The following OXR1 variants were observed in gnomAD, a reference collection of about 807,000 sequenced individuals.
The protein encoded by OXR1 is oxidation resistance 1.
In OXR1, 41 loss-of-function variants were observed where a neutral mutation model predicts 104.6. The observed-to-expected ratio is 0.39, with a 90% CI of 0.31 to 0.51. The LOEUF (loss-of-function observed/expected upper bound fraction) is 0.51, where lower values mean the gene tolerates loss of function less well. OXR1 is among the 20% of genes least tolerant of loss of function. OXR1 has a pLI of 0.77. For synonymous variants in OXR1, 348 were observed against 348.4 expected (o/e 1.00, Z 0.01); for missense variants, 955 against 1,031.9 (o/e 0.93, Z 1.02).
chr8:106,593,650 G>A (rs1158119561), intron 3 of OXR1, among the ~76,000 whole-genome samples: 3 of 152,082 alleles, frequency 2.0e-5, no homozygotes, highest in East Asian at 3.9e-4. Flanking sequence ...GGTGGCAGGC[G>A]CCTGTGGTCC....
chr8:106,730,446 C>T (rs1191660027), intron 11 of OXR1, among the ~76,000 whole-genome samples: 1 of 151,724 alleles, frequency 6.6e-6, no homozygotes, highest in East Asian at 1.9e-4. Flanking sequence ...CACTGTTTTG[C>T]GTTTTGCAGA....
chr8:106,456,104 C>T (rs546583361), intron 2 of OXR1, among the ~76,000 whole-genome samples: 29 of 152,160 alleles, frequency 1.9e-4, no homozygotes, highest in East Asian at 1.9e-4. Context: ...TGCTTTCCAG[C>T]GGAAATGATC....
At chr8:106,723,905 T>A (rs1454413382) in intron 11 of OXR1, among the ~76,000 whole-genome samples, 1 of 151,936 alleles carries the variant, frequency 6.6e-6, no homozygotes, top group Non-Finnish European at 1.5e-5. Context: ...TCCTCCTGCC[T>A]CATCCTCCTC....
At chr8:106,546,044 A>G (rs1056941238) in intron 3 of OXR1, among the ~76,000 whole-genome samples, 3 of 151,988 alleles carry the variant, frequency 2.0e-5, no homozygotes, top group Non-Finnish European at 4.4e-5. Context: ...AATCATTTGG[A>G]ATAAAAATGT....
chr8:106,717,547 T>A (rs1280860658), intron 11 of OXR1, among the ~76,000 whole-genome samples: 1 of 152,180 alleles, frequency 6.6e-6, no homozygotes, highest in East Asian at 1.9e-4. Flanking sequence ...TAGCCAGAAA[T>A]GTATACATTG....
At chr8:106,610,509 C>T (rs568753160) in intron 3 of OXR1, among the ~76,000 whole-genome samples, 2 of 152,294 alleles carry the variant, frequency 1.3e-5, no homozygotes, top group East Asian at 3.9e-4. Flanking sequence ...GACACTGGTT[C>T]TTGCTTATTT....
At chr8:106,715,972 CTAGCCATA>C (rs1194297864) in intron 11 of OXR1, among the ~76,000 whole-genome samples, 2 of 152,198 alleles carry the variant, frequency 1.3e-5, no homozygotes, top group East Asian at 3.9e-4. Context: ...TATAGCAGCA[CTAGCCATA>C]TGTGGCTATT....
chr8:106,305,561 T>G (rs767658810), intron 1 of OXR1, among the ~76,000 whole-genome samples: 61 of 152,294 alleles, frequency 4.0e-4, no homozygotes, highest in Non-Finnish European at 7.5e-4. Context: ...AAATAATATT[T>G]AATGATTTAT....
chr8:106,412,427 T>C (rs7017001), intron 2 of OXR1, among the ~76,000 whole-genome samples: 57,406 of 152,044 alleles, frequency 0.38, 12,181 homozygotes, highest in East Asian at 0.7. Flanking sequence ...AAACAATTTC[T>C]GGACTTCTTT....
chr8:106,513,461 G>T (rs913371074), intron 2 of OXR1, among the ~76,000 whole-genome samples: 1 of 151,986 alleles, frequency 6.6e-6, no homozygotes, highest in African/African-American at 2.4e-5. Flanking sequence ...GGGTTTAGTT[G>T]TTTTCTGAAA....
chr8:106,670,322 G>A (rs1487500468), intron 3 of OXR1, among the ~76,000 whole-genome samples: 1 of 152,108 alleles, frequency 6.6e-6, no homozygotes, highest in Non-Finnish European at 1.5e-5. Flanking sequence ...GTGTCCTCAG[G>A]CACTTGACAG....
intron 3 of OXR1, among the ~76,000 whole-genome samples, chr8:106,555,800 C>T (rs570359478): frequency 1.2e-4 from 18 of 151,052 alleles, no homozygotes; most frequent in East Asian, 7.7e-4. Context: ...AATTTTAAAA[C>T]GGCCCAAATA....
At chr8:106,314,727 C>G (rs1440491765) in intron 1 of OXR1, among the ~76,000 whole-genome samples, 2 of 152,176 alleles carry the variant, frequency 1.3e-5, no homozygotes, top group Non-Finnish European at 2.9e-5. Flanking sequence ...TGACTTCACA[C>G]AGCTCCTAAC....
intron 1 of OXR1, among the ~76,000 whole-genome samples, chr8:106,286,007 G>A (rs1398277113): frequency 6.9e-6 from 1 of 145,590 alleles, no homozygotes. Context: ...TGGGGCTAAT[G>A]TGACCTATCC....
At chr8:106,514,828 A>G (rs1002633736) in intron 2 of OXR1, among the ~76,000 whole-genome samples, 1 of 152,164 alleles carries the variant, frequency 6.6e-6, no homozygotes, top group African/African-American at 2.4e-5. Flanking sequence ...CATTTATAAA[A>G]TGTAAATAAT....
At chr8:106,480,412 A>T (rs1459839720) in intron 2 of OXR1, among the ~76,000 whole-genome samples, 1 of 151,988 alleles carries the variant, frequency 6.6e-6, no homozygotes, top group Non-Finnish European at 1.5e-5. Context: ...GCATATGGAA[A>T]AATATTAACT....
chr8:106,544,670 C>T (rs1428153033), intron 3 of OXR1, among the ~76,000 whole-genome samples: 1 of 152,146 alleles, frequency 6.6e-6, no homozygotes. Context: ...ATCTCGTCAT[C>T]ACAAGAGACG....
At chr8:106,441,881 C>T (rs975268267) in intron 2 of OXR1, among the ~76,000 whole-genome samples, 1 of 152,150 alleles carries the variant, frequency 6.6e-6, no homozygotes, top group African/African-American at 2.4e-5. Flanking sequence ...ACTTGACTTC[C>T]TCTCTTCCTA....
chr8:106,315,774 G>A (rs927450980), intron 1 of OXR1, among the ~76,000 whole-genome samples: 4 of 152,216 alleles, frequency 2.6e-5, no homozygotes, highest in Admixed American at 2.0e-4. Context: ...GAAAAGACTC[G>A]GATTCCACTT....
Sources: allele counts gnomAD v4.1 joint callset (sites outside exome capture counted in the v4.1 genomes callset), GRCh38; gene constraint gnomAD v4.1.1; transcripts MANE v1.5; gene names NCBI Gene and HGNC (gene_info 2026-07-23, HGNC 2026-07-21).